The following MN1 variants were observed in gnomAD, a reference collection of about 807,000 sequenced individuals.
MN1 encodes transcriptional activator MN1.
Under a neutral mutation model 86.9 loss-of-function variants are expected in MN1, and 19 were observed. The ratio of observed to expected loss-of-function variants is 0.22; its 90% confidence interval spans 0.15 to 0.32. The LOEUF is 0.32. Among genes scored for constraint, MN1 ranks in the 10% least tolerant of loss-of-function variants. MN1 has a pLI of 1.00. For synonymous variants in MN1, 928 were observed against 849.6 expected, an observed-to-expected ratio of 1.09 and a Z score of -1.60; for missense variants, 1,841 against 1,862.0, an observed-to-expected ratio of 0.99 and a Z score of 0.21.
rs1455764061 is a variant in MN1, at chr22:27,797,114, C to G, written c.3430G>C (p.Ala1144Pro). The G allele has an allele frequency of 6.3e-7, 1 of 1,593,320 alleles. No individual in the cohort carries two copies. The highest frequency in any genetic ancestry group is 1.7e-5 in the Admixed American group (1 of 57,558). ...QVRTPTSSSG[A>P]PPPDEIHPLE... ...GGGTGGATCTCGTCGGGTGGCGGGGCGCCGCTGCTGCTCGTCGGGGTGCGG... is the reference window on the plus strand; with the variant it reads ...GGGTGGATCTCGTCGGGTGGCGGGGGGCCGCTGCTGCTCGTCGGGGTGCGG... The change falls in exon 1 of 2, where the codon GCC becomes CCC. Residue 1144 changes from alanine (A) to proline (P), a missense_variant. Physicochemically the swap from Ala to Pro is conservative, Grantham distance 27. Transcript: ENST00000302326.
At chr22:27,776,858 G>A (rs1464084899) in intron 1 of MN1, among the ~76,000 whole-genome samples, 1 of 152,138 alleles carries the variant, frequency 6.6e-6, no homozygotes, top group South Asian at 2.1e-4. Context: ...CAAAGGAACT[G>A]GCCAGGACGA....
At chr22:27,759,411 C>T (rs1932820413) in intron 1 of MN1, among the ~76,000 whole-genome samples, 1 of 152,172 alleles carries the variant, frequency 6.6e-6, no homozygotes. Flanking sequence ...GAAAGAAGGT[C>T]TACACGGCCA....
rs1263230031 is a variant in MN1, at chr22:27,797,137, C to A, written c.3407G>T (p.Arg1136Leu). The change falls in exon 1 of 2, where the codon CGC becomes CTC. Residue 1136 changes from arginine (R) to leucine (L), a missense_variant. Transcript: ENST00000302326. ...GGCGCCGCTGCTGCTCGTCGGGGTG[C>A]GGACCTGCTCCAGGCCCGGAGTGCC... ...HPGTPGLEQVRTPTSSSGAPP... is the reference protein window; with the variant it reads ...HPGTPGLEQVLTPTSSSGAPP... The A allele has an allele frequency of 1.9e-6, 3 of 1,574,644 alleles. No homozygotes were observed. The Admixed American group carries it at 5.5e-5, about 29-fold the overall frequency.
intron 1 of MN1, among the ~76,000 whole-genome samples, chr22:27,767,783 T>C (rs1932881254): frequency 6.6e-6 from 1 of 150,450 alleles, no homozygotes; most frequent in Non-Finnish European, 1.5e-5. Flanking sequence ...GTTTGGGGGG[T>C]TTTGACAAAA....
rs372910133 is a variant in MN1, at chr22:27,796,827, C to T, written c.3717G>A (p.Ala1239=). 2.3e-5 allele frequency: 37 copies of T among 1,611,824 alleles called. No individual in the cohort carries two copies. The African/African-American group carries it at 3.7e-4, about 16-fold the overall frequency. ...MPADKALVDS[A]DDDKTLAPWE... ...AGGGCGCCAACGTCTTGTCGTCGTC[C>T]GCGCTGTCCACCAGGGCCTTGTCAG... Residue 1239 remains alanine, a synonymous_variant, in exon 1 of 2, where the codon GCG becomes GCA. Coordinates refer to ENST00000302326, the MANE Select transcript of MN1 (RefSeq NM_002430.3).
chr22:27,757,975 GCCCCACTA>G (rs1310416653), intron 1 of MN1, among the ~76,000 whole-genome samples: 1 of 151,868 alleles, frequency 6.6e-6, no homozygotes, highest in African/African-American at 2.4e-5. Flanking sequence ...CTTTTCTCCT[GCCCCACTA>G]CCCCACCCTG....
chr22:27,797,331 TTTAACTAGTGCCTGGGGG>T lies in MN1; in HGVS notation c.3195_3212del (p.Asn1065_Val1070del). The T allele has an allele frequency of 6.2e-7, 1 of 1,605,562 alleles. No homozygotes were observed. Reference sequence around the variant, plus strand: ...CGGTCACCAGGGGACTCCTGCTCGCTTTAACTAGTGCCTGGGGGTTGTCAGAGCTGGACGACACCTCGT... The same window carrying T: ...CGGTCACCAGGGGACTCCTGCTCGCTTTGTCAGAGCTGGACGACACCTCGT... On this transcript the variant is annotated inframe_deletion, in exon 1 of 2. Coordinates refer to ENST00000302326, the MANE Select transcript of MN1 (RefSeq NM_002430.3).
intron 1 of MN1, among the ~76,000 whole-genome samples, chr22:27,775,529 G>A (rs1932966680): frequency 6.6e-6 from 1 of 152,136 alleles, no homozygotes; most frequent in African/African-American, 2.4e-5. Context: ...TACCGCCGTG[G>A]CCCAGCCTGC....
rs1340971543 is a variant in MN1 at position 27,798,158 on chromosome 22, G to T, written c.2386C>A (p.Arg796Ser). Residue 796 changes from arginine (R) to serine (S), a missense_variant, in exon 1 of 2, where the codon CGC (arginine) becomes AGC (serine). Arg to Ser is a moderately radical substitution (Grantham distance 110, BLOSUM62 -1). Transcript: ENST00000302326. ...GCGCCCAATTTACTGGCCGAGGTGC[G>T]CTGGCTGGGCTGGAAATCAGGCTGC... The part of the protein sequence containing the change: ...PPQPDFQPSQ[R>S]TSASKLGALS... 1 of 1,583,710 alleles carries T rather than the reference G, an allele frequency of 6.3e-7. No homozygotes were observed. The highest frequency in any genetic ancestry group is 8.5e-7 in the Non-Finnish European group (1 of 1,170,572).
chr22:27,777,936 G>A (rs905658005), intron 1 of MN1, among the ~76,000 whole-genome samples: 2 of 151,828 alleles, frequency 1.3e-5, no homozygotes, highest in African/African-American at 4.8e-5. Context: ...TTTTTATCCT[G>A]AGTCAGTGAC....
chr22:27,781,286 A>G (rs2038222683), intron 1 of MN1, among the ~76,000 whole-genome samples: 1 of 152,172 alleles, frequency 6.6e-6, no homozygotes, highest in East Asian at 1.9e-4. Context: ...GAGTTTCTCA[A>G]TCTTAGCGCT....
At chr22:27,757,243 C>T (rs967011617) in intron 1 of MN1, among the ~76,000 whole-genome samples, 2 of 151,782 alleles carry the variant, frequency 1.3e-5, no homozygotes, top group African/African-American at 4.8e-5. Flanking sequence ...CTATGTTGCC[C>T]AGGCTGGTCT....
At chr22:27,770,063 T>C (rs1178767690) in intron 1 of MN1, among the ~76,000 whole-genome samples, 2 of 152,072 alleles carry the variant, frequency 1.3e-5, no homozygotes, top group Non-Finnish European at 2.9e-5. Flanking sequence ...TGACAATGAG[T>C]ATCCAGGGTG....
chr22:27,797,205 C>T lies in MN1; in HGVS notation c.3339G>A (p.Ser1113=). 1 of 1,558,770 alleles carries T rather than the reference C, an allele frequency of 6.4e-7. No homozygotes were observed. Among genetic ancestry groups the T allele is most frequent in the Non-Finnish European group, 8.6e-7 (1 of 1,157,352 alleles). Reference sequence around the variant, plus strand: ...CACCGCCGCCGTAGCTGTCAGGGGTCGAGGTAGAGTTAGACATGATGCCCA... The same window carrying T: ...CACCGCCGCCGTAGCTGTCAGGGGTTGAGGTAGAGTTAGACATGATGCCCA... The part of the protein sequence containing the change: ...LGLGIMSNST[S]TPDSYGGGGG... The change falls in exon 1 of 2, where the codon TCG becomes TCA. Residue 1113 remains serine (S), a synonymous_variant. Transcript: ENST00000302326.
chr22:27,798,120 G>A lies in MN1; in HGVS notation c.2424C>T (p.Gly808=), dbSNP rs1253432596. The change falls in exon 1 of 2, where the codon GGC becomes GGT. Residue 808 remains glycine, a synonymous_variant. Coordinates refer to ENST00000302326, the MANE Select transcript of MN1 (RefSeq NM_002430.3). ...CCTTGGAGCTGGGCTTGTTGAAGGA[G>A]CCCAGCGAGAGCGCGCCCAATTTAC... ...SASKLGALSL[G]SFNKPSSKDN... 11 of 1,608,768 alleles carry A rather than the reference G, an allele frequency of 6.8e-6. No individual in the cohort carries two copies. The highest frequency in any genetic ancestry group is 9.3e-6 in the Non-Finnish European group (11 of 1,179,112).
intron 1 of MN1, among the ~76,000 whole-genome samples, chr22:27,759,197 C>A (rs115204943): frequency 0.018 from 2,797 of 152,178 alleles, 103 homozygotes; most frequent in African/African-American, 0.064. Context: ...GAGGATTTGA[C>A]CCCTGTGGAG....
At chr22:27,752,292 G>T (rs542760862) in intron 1 of MN1, among the ~76,000 whole-genome samples, 1 of 152,266 alleles carries the variant, frequency 6.6e-6, no homozygotes, top group African/African-American at 2.4e-5. Flanking sequence ...GTAAAGTGTT[G>T]TCCTCACAAG....
Position 27,800,727 on chromosome 22 carries a change from C to T in MN1, c.-184G>A. 1.5e-6 allele frequency: 1 copy of T among 674,982 alleles called. No individual in the cohort carries two copies. Among genetic ancestry groups the T allele is most frequent in the South Asian group, 1.9e-5 (1 of 52,570 alleles). 41.8% of individuals were successfully genotyped at this position (674,982 alleles called of 1,614,324 possible). A position where few individuals can be genotyped will look rare whatever the true frequency, so the allele number is the denominator to read the frequency against. On this transcript the variant is annotated 5_prime_UTR_variant, in exon 1 of 2. Transcript: ENST00000302326. Reference sequence around the variant, plus strand: ...CGGGGGGCGGGGTATTAGCTCCTCTCCTGAAGCTCCGATTCTGCCCGGGGA... The same window carrying T: ...CGGGGGGCGGGGTATTAGCTCCTCTTCTGAAGCTCCGATTCTGCCCGGGGA...
chr22:27,756,281 T>G (rs2146294060), intron 1 of MN1, among the ~76,000 whole-genome samples: 1 of 152,334 alleles, frequency 6.6e-6, no homozygotes, highest in East Asian at 1.9e-4. Flanking sequence ...TTTTTTTCTT[T>G]GAAGTCAGCA....
Sources: allele counts gnomAD v4.1 joint callset (sites outside exome capture counted in the v4.1 genomes callset), GRCh38; gene constraint gnomAD v4.1.1; transcripts MANE v1.5; gene names NCBI Gene and HGNC (gene_info 2026-07-23, HGNC 2026-07-21).